The following WWTR1 variants were observed in gnomAD, a reference collection of about 807,000 sequenced individuals.
WWTR1 encodes WW domain-containing transcription regulator protein 1.
Under a neutral mutation model 40.1 loss-of-function variants are expected in WWTR1, and 13 were observed. That is an observed-to-expected ratio of 0.32 (90% CI 0.21 to 0.52). The LOEUF (loss-of-function observed/expected upper bound fraction) is 0.52. Ranked by LOEUF, WWTR1 falls within the 20% of genes least tolerant of loss-of-function variation. WWTR1 has a pLI of 0.97. For synonymous variants in WWTR1, 230 were observed against 210.1 expected, an observed-to-expected ratio of 1.09 and a Z score of -0.82; for missense variants, 436 against 523.1, an observed-to-expected ratio of 0.83 and a Z score of 1.63.
chr3:149,572,638 T>C (rs1344972326), intron 3 of WWTR1, among the ~76,000 whole-genome samples: 1 of 151,994 alleles, frequency 6.6e-6, no homozygotes, highest in African/African-American at 2.4e-5. Context: ...GAACCACTTA[T>C]GAGCCCCGCC....
intron 2 of WWTR1, among the ~76,000 whole-genome samples, chr3:149,597,383 C>T (rs1257648458): frequency 6.8e-6 from 1 of 146,442 alleles, no homozygotes; most frequent in Admixed American, 7.0e-5. Context: ...ATAGATTGAG[C>T]CTAGAGGTTC....
chr3:149,525,857 A>G, intron 6 of WWTR1, 156 bp downstream of exon 6: 1 of 437,724 alleles, frequency 2.3e-6, no homozygotes, highest in Non-Finnish European at 3.9e-6. Context: ...CCCCGGCATC[A>G]CATAACCATG....
chr3:149,571,419 G>A (rs1737625669), intron 3 of WWTR1, among the ~76,000 whole-genome samples: 1 of 152,002 alleles, frequency 6.6e-6, no homozygotes, highest in Admixed American at 6.6e-5. Context: ...ATTTCTACAC[G>A]AGCTCCTGTA....
intron 4 of WWTR1, among the ~76,000 whole-genome samples, chr3:149,717,890 T>C (rs1328764562): frequency 6.6e-6 from 1 of 152,058 alleles, no homozygotes; most frequent in Admixed American, 6.5e-5. Flanking sequence ...CTTGTGAGTA[T>C]TCATTCATGT....
At position 149,573,550 on chromosome 3, in the gene WWTR1, G is replaced by A. The variant is rs138269267; in HGVS notation, c.432-550C>T. ...AAGGTATTTCAAGGTCCCCAAAGGT[G>A]ACACATAAAACCCTCAAGAAGCTCA... is the stretch of plus-strand genomic sequence containing the variant. On this transcript the variant is annotated intron_variant, in intron 2 of 6. Coordinates refer to ENST00000360632, the MANE Select transcript of WWTR1 (RefSeq NM_015472.6). Among the ~76,000 whole-genome samples, 16 of 152,266 alleles carry A rather than the reference G, an allele frequency of 1.1e-4. No homozygotes were observed. In the East Asian group the frequency reaches 2.9e-3, roughly 28 times the overall value.
intron 2 of WWTR1, among the ~76,000 whole-genome samples, chr3:149,649,493 C>T (rs1244244503): frequency 6.6e-6 from 1 of 152,110 alleles, no homozygotes; most frequent in Non-Finnish European, 1.5e-5. Context: ...ACTTCTTCTC[C>T]TAATAGCACT....
chr3:149,622,072 T>C lies in WWTR1; in HGVS notation c.431+34804A>G, dbSNP rs1326044804. 3.9e-5 allele frequency among the ~76,000 whole-genome samples: 6 copies of C among 152,352 alleles called. No homozygotes were observed. In the South Asian group the frequency reaches 1.2e-3, roughly 32 times the overall value. The stretch of plus-strand genomic sequence containing the variant: ...AACCTATCTGCTTCTGCTCACTGCA[T>C]GCCCCCCAGTCTTATGACATGATTG... On this transcript the variant is annotated intron_variant, in intron 2 of 6. Transcript: ENST00000360632.
chr3:149,577,113 C>T (rs970589296), intron 2 of WWTR1, among the ~76,000 whole-genome samples: 1 of 152,102 alleles, frequency 6.6e-6, no homozygotes, highest in Non-Finnish European at 1.5e-5. Flanking sequence ...GCCGAGATCG[C>T]ACCATTGCAC....
chr3:149,630,603 C>A (rs1711518739), intron 2 of WWTR1, among the ~76,000 whole-genome samples: 1 of 152,170 alleles, frequency 6.6e-6, no homozygotes, highest in African/African-American at 2.4e-5. Context: ...GCCCCAGTCA[C>A]CTGCTTAAGC....
At chr3:149,568,071 G>A (rs1295926769) in intron 3 of WWTR1, among the ~76,000 whole-genome samples, 1 of 151,968 alleles carries the variant, frequency 6.6e-6, no homozygotes, top group African/African-American at 2.4e-5. Context: ...TAGTAAGGAA[G>A]GCCCACAACC....
At chr3:149,585,207 A>T (rs1738364192) in intron 2 of WWTR1, among the ~76,000 whole-genome samples, 1 of 151,450 alleles carries the variant, frequency 6.6e-6, no homozygotes, top group Admixed American at 6.6e-5. Flanking sequence ...ATCTCTGCTC[A>T]CTGCAACCTT....
chr3:149,598,258 G>A (rs1398450745), intron 2 of WWTR1, among the ~76,000 whole-genome samples: 1 of 152,222 alleles, frequency 6.6e-6, no homozygotes, highest in East Asian at 1.9e-4. Context: ...ACATCTTGAA[G>A]CTACGAATTA....
chr3:149,523,891 G>T (rs1308961324), intron 6 of WWTR1, among the ~76,000 whole-genome samples: 1 of 152,334 alleles, frequency 6.6e-6, no homozygotes, highest in African/African-American at 2.4e-5. Flanking sequence ...CACACTCAAT[G>T]AGCTGACTCT....
At chr3:149,637,851 G>A (rs147011458) in intron 2 of WWTR1, among the ~76,000 whole-genome samples, 9 of 152,240 alleles carry the variant, frequency 5.9e-5, no homozygotes, top group African/African-American at 2.2e-4. Flanking sequence ...AGGGATGTAG[G>A]ACATTCTAGG....
At chr3:149,593,623 G>A (rs1182254230) in intron 2 of WWTR1, among the ~76,000 whole-genome samples, 3 of 152,092 alleles carry the variant, frequency 2.0e-5, no homozygotes, top group South Asian at 2.1e-4. Flanking sequence ...TAACACATGC[G>A]TGGACTTAAA....
Position 149,710,575 on chromosome 3 carries a change from C to A in WWTR1, n.584+6867G>T, listed in dbSNP as rs1007582929. Among the ~76,000 whole-genome samples the A allele has an allele frequency of 3.9e-3, 302 of 77,118 alleles. 13 individuals are homozygous for A. The highest frequency in any genetic ancestry group is 6.6e-3 in the Non-Finnish European group (259 of 39,196). The allele number at this position is 77,118 out of a possible 152,430, so 50.6% of individuals were successfully genotyped here. On this transcript the variant is annotated intron_variant and non_coding_transcript_variant, in intron 5 of 6. Transcript: ENST00000474080. ...ACATTATCATTATCCCCGCCTCCCC[C>A]CCCCCCCTTTTTTTTTTTTTTTGAG...
chr3:149,632,492 A>G (rs1235512369), intron 2 of WWTR1, among the ~76,000 whole-genome samples: 2 of 152,162 alleles, frequency 1.3e-5, no homozygotes, highest in Non-Finnish European at 2.9e-5. Flanking sequence ...CAAGCATCCA[A>G]CCTGTCCATC....
In WWTR1 at chr3:149,547,656, C is replaced by T. The variant is rs59624671; in HGVS notation, c.569-5119G>A. On this transcript the variant is annotated intron_variant, in intron 3 of 6. Coordinates refer to ENST00000360632, the MANE Select transcript of WWTR1 (RefSeq NM_015472.6). ...CGTCAGCTCTAGACCGTTGCCAGTC[C>T]CCCCAGAAAGGAATAACCCAAACAG... Among the ~76,000 whole-genome samples, 1,228 of 152,180 alleles carry T rather than the reference C, an allele frequency of 8.1e-3. 15 individuals are homozygous for T. The highest frequency in any genetic ancestry group is 0.029 in the African/African-American group (1,185 of 41,520).
rs538553465 is a variant in WWTR1 at position 149,547,632 on chromosome 3, G to A, written c.569-5095C>T. Among the ~76,000 whole-genome samples, 4 of 152,212 alleles carry A rather than the reference G, an allele frequency of 2.6e-5. No individual in the cohort carries two copies. In the East Asian group the frequency reaches 7.7e-4, roughly 29 times the overall value. ...CTGCCTCAAAAAGGCTAAAGACCTC[G>A]TCAGCTCTAGACCGTTGCCAGTCCC... On this transcript the variant is annotated intron_variant, in intron 3 of 6. Coordinates refer to ENST00000360632, the MANE Select transcript of WWTR1 (RefSeq NM_015472.6).
Sources: allele counts gnomAD v4.1 joint callset (sites outside exome capture counted in the v4.1 genomes callset), GRCh38; gene constraint gnomAD v4.1.1; transcripts MANE v1.5; gene names NCBI Gene and HGNC (gene_info 2026-07-23, HGNC 2026-07-21).